The following TSPAN1 variants were observed in gnomAD, a reference collection of about 807,000 sequenced individuals.
TSPAN1 encodes the protein tetraspanin 1, also known as tetraspanin-1.
A neutral mutation model predicts 26.9 loss-of-function variants in TSPAN1; 23 were observed. The ratio of observed to expected loss-of-function variants is 0.85; its 90% CI spans 0.62 to 1.21. The LOEUF is 1.21. Ranked by LOEUF, TSPAN1 falls within the 50% of genes most tolerant of loss-of-function variation. The pLI is 0.00. For synonymous variants in TSPAN1, 115 were observed against 114.8 expected (o/e 1.00, Z -0.01); for missense variants, 283 against 298.4 (o/e 0.95, Z 0.38).
At chr1:46,190,915 CG>C, downstream of TSPAN1, 2 of 843,848 alleles carry the variant, frequency 2.4e-6, no homozygotes, top group Non-Finnish European at 4.0e-6. Flanking sequence ...AATTTCCCAC[CG>C]TCTTCTCCAT....
downstream of TSPAN1, chr1:46,188,980 C>T (rs1657527350): frequency 6.2e-6 from 10 of 1,606,674 alleles, no homozygotes; most frequent in Middle Eastern, 1.7e-4. Flanking sequence ...CTGAGCCAGG[C>T]CTGGAAAGTG....
chr1:46,192,467 T>C, the TSPAN1 span: 1 of 1,614,152 alleles, frequency 6.2e-7, no homozygotes, highest in Admixed American at 1.7e-5. Context: ...TGGGAGGTAT[T>C]AGCTGAGGCC....
chr1:46,189,596 A>G, downstream of TSPAN1: 1 of 1,595,190 alleles, frequency 6.3e-7, no homozygotes, highest in Non-Finnish European at 8.6e-7. Context: ...AGACAGAGAC[A>G]TGGGTCAGAG....
chr1:46,184,013 T>C (rs937326103), intron 3 of TSPAN1, 178 bp from the exon 4 acceptor site: 5 of 651,080 alleles, frequency 7.7e-6, no homozygotes, highest in Non-Finnish European at 1.4e-5. Flanking sequence ...TAGCTATGCA[T>C]ATCCCAGCTC....
chr1:46,186,383 C>T (rs896642476), downstream of TSPAN1, among the ~76,000 whole-genome samples: 10 of 152,164 alleles, frequency 6.6e-5, no homozygotes, highest in Non-Finnish European at 2.9e-5. Context: ...TCAGGCAAAA[C>T]CCCAGATCTG....
downstream of TSPAN1, chr1:46,190,932 T>C: frequency 1.3e-6 from 1 of 757,874 alleles, no homozygotes; most frequent in Non-Finnish European, 2.3e-6. Context: ...TCCATCCTCT[T>C]TGCAGCATCC....
chr1:46,196,090 A>G, the TSPAN1 span: 2 of 1,613,920 alleles, frequency 1.2e-6, no homozygotes, highest in East Asian at 4.5e-5. This position sits in a 1 kb window ranked among gnomAD's most constrained non-coding sequence, Gnocchi z 4.4. Context: ...ACACAGTGGC[A>G]GAGACAAAGT....
chr1:46,195,819 T>G, the TSPAN1 span: 1 of 1,593,860 alleles, frequency 6.3e-7, no homozygotes, highest in South Asian at 1.1e-5. Flanking sequence ...ACCTTGACAG[T>G]GCAGATGAGC....
At chr1:46,195,873 C>T in the TSPAN1 span, 1 of 1,613,330 alleles carries the variant, frequency 6.2e-7, no homozygotes, top group Non-Finnish European at 8.5e-7. Context: ...ACCATGGCCT[C>T]ATCCTCATGA....
chr1:46,184,097 G>A (rs1657370339), intron 3 of TSPAN1, 94 bp from the exon 4 acceptor site: 2 of 1,342,230 alleles, frequency 1.5e-6, no homozygotes, highest in Non-Finnish European at 2.1e-6. Flanking sequence ...AATAAAGAGG[G>A]AAGTTTCTCG....
chr1:46,195,783 G>A, the TSPAN1 span: 14 of 1,552,280 alleles, frequency 9.0e-6, no homozygotes, highest in Non-Finnish European at 1.1e-5. Flanking sequence ...TAGGGAGTAG[G>A]GGTCAGGGTC....
the TSPAN1 span, chr1:46,194,499 T>C: frequency 1.2e-6 from 2 of 1,613,992 alleles, no homozygotes; most frequent in Admixed American, 1.7e-5. Context: ...CAGAGAGATC[T>C]AAATGCCCAC....
chr1:46,195,742 G>A, the TSPAN1 span: 6 of 1,391,686 alleles, frequency 4.3e-6, no homozygotes, highest in Non-Finnish European at 6.0e-6. Context: ...ATGAGGGGCA[G>A]AGAAGCCGGG....
the TSPAN1 span, chr1:46,195,838 G>C: frequency 3.1e-6 from 5 of 1,605,484 alleles, no homozygotes; most frequent in South Asian, 5.6e-5. Flanking sequence ...GCACTCGGCC[G>C]GGCGCTACCA....
In TSPAN1 at chr1:46,185,583, G is replaced by A. The variant is rs201843939; in HGVS notation, c.*50G>A. 7 of 1,596,918 alleles carry A rather than the reference G, an allele frequency of 4.4e-6. No individual in the cohort carries two copies. In the East Asian group the frequency reaches 1.3e-4, roughly 31 times the overall value. ...TGCTGCCACATGGGAACTGTGAAGA[G>A]GCACCCTGGCAAGCAGCAGTGATTG... is the stretch of plus-strand genomic sequence containing the variant. On this transcript the variant is annotated 3_prime_UTR_variant, in exon 9 of 9. Coordinates refer to ENST00000372003, the MANE Select transcript of TSPAN1 (RefSeq NM_005727.4).
At chr1:46,189,326 A>C (rs199534074), downstream of TSPAN1, 32 of 1,613,734 alleles carry the variant, frequency 2.0e-5, no homozygotes, top group Admixed American at 6.7e-5. Context: ...GGCTCCAGGA[A>C]AATTGGGGTG....
chr1:46,194,461 G>A, the TSPAN1 span: 6 of 1,614,010 alleles, frequency 3.7e-6, no homozygotes, highest in African/African-American at 4.0e-5. Context: ...AAGAGCCCCA[G>A]GCACACAATC....
At chr1:46,177,346 A>AT (rs1657199015) in intron 1 of TSPAN1, among the ~76,000 whole-genome samples, 1 of 128,598 alleles carries the variant, frequency 7.8e-6, no homozygotes, top group Non-Finnish European at 1.6e-5. Flanking sequence ...AAAAAAAAAA[A>AT]AAATATATCT....
chr1:46,194,522 C>T, the TSPAN1 span: 5 of 1,613,848 alleles, frequency 3.1e-6, no homozygotes, highest in Middle Eastern at 1.6e-4. Context: ...CCAGCCCAGG[C>T]CCTGCCCCAT....
Sources: gnomAD v4.1 joint callset for allele counts (sites outside exome capture counted in the v4.1 genomes callset) on GRCh38, gnomAD v4.1.1 for gene constraint, Gnocchi (gnomAD v3.1) non-coding constraint, MANE v1.5 for transcripts, NCBI Gene and HGNC (gene_info 2026-07-23, HGNC 2026-07-21) for gene names.